Variants in PLEKHH1 observed in about 807,000 individuals in gnomAD.
PLEKHH1 encodes pleckstrin homology domain-containing family H member 1.
Under a neutral mutation model 160.0 loss-of-function variants are expected in PLEKHH1, and 104 were observed. The ratio of observed to expected loss-of-function variants is 0.65; its 90% CI spans 0.55 to 0.76. The LOEUF (loss-of-function observed/expected upper bound fraction) is 0.76. Ranked by LOEUF, PLEKHH1 falls within the 30% of genes least tolerant of loss-of-function variation. PLEKHH1 has a pLI of 0.00. For synonymous variants in PLEKHH1, 619 were observed against 678.4 expected, an observed-to-expected ratio of 0.91 and a Z score of 1.36; for missense variants, 1,427 against 1,724.1, an observed-to-expected ratio of 0.83 and a Z score of 3.05.
At position 67,533,385 on chromosome 14, in the gene PLEKHH1, C is replaced by A. The variant is rs1360726432; in HGVS notation, c.-48C>A. ...GCCCAGTGCGCGGCGGGGACGGCCG[C>A]GAGCTCGCTGGAGGTGAGCGACCCG... On this transcript the variant is annotated 5_prime_UTR_variant, in exon 1 of 29. Coordinates refer to ENST00000329153, the MANE Select transcript of PLEKHH1 (RefSeq NM_020715.3). The A allele has an allele frequency of 6.6e-6, 1 of 151,582 alleles. No individual in the cohort carries two copies. Among genetic ancestry groups the A allele is most frequent in the African/African-American group, 2.4e-5 (1 of 41,366 alleles). 9.4% of individuals were successfully genotyped at this position (151,582 alleles called of 1,614,324 possible).
chr14:67,582,146 T>G lies in PLEKHH1; in HGVS notation c.3362T>G (p.Ile1121Arg). 6.2e-7 allele frequency: 1 copy of G among 1,613,656 alleles called. No homozygotes were observed. The highest frequency in any genetic ancestry group is 8.5e-7 in the Non-Finnish European group (1 of 1,179,834). ...LLLASQTSRE[I>R]VAGRFPINKE... Reference sequence around the variant, plus strand: ...CTTGCCTCTCAAACCAGTAGAGAGATAGTGGCAGGGAGGTTTCCTATCAAC... The same window carrying G: ...CTTGCCTCTCAAACCAGTAGAGAGAGAGTGGCAGGGAGGTTTCCTATCAAC... Residue 1121 changes from isoleucine to arginine, a missense_variant, in exon 24 of 29, where the codon ATA becomes AGA. Physicochemically the swap from Ile to Arg is moderately conservative, Grantham distance 97 (BLOSUM62 -3). Transcript: ENST00000329153. This position sits in a 1 kb window ranked among gnomAD's most constrained non-coding sequence, Gnocchi z 5.0.
Position 67,573,864 on chromosome 14 carries a change from G to C in PLEKHH1, c.1903G>C (p.Gly635Arg). ...DLNSRCQIVR[G>R]EGSQTFQLIS... is the part of the protein sequence containing the mutation. The stretch of plus-strand genomic sequence containing the variant: ...GAACTCCCGCTGCCAAATTGTTCGA[G>C]GGGAGGGTTCACAGACGTTTCAGGT... Residue 635 changes from glycine to arginine, a missense_variant, in exon 13 of 29, where the codon GGG (glycine) becomes CGG (arginine). Physicochemically the swap from Gly to Arg is moderately radical, Grantham distance 125 (BLOSUM62 -2). Transcript: ENST00000329153. The surrounding 1 kb of genome is among the most constrained non-coding windows in gnomAD (Gnocchi z 4.8). The C allele has an allele frequency of 1.2e-6, 2 of 1,613,484 alleles. No homozygotes were observed. The highest frequency in any genetic ancestry group is 1.7e-6 in the Non-Finnish European group (2 of 1,179,426).
intron 4 of PLEKHH1, 79 bp downstream of exon 4, chr14:67,557,497 G>T: frequency 5.0e-6 from 7 of 1,388,482 alleles, no homozygotes; most frequent in Non-Finnish European, 7.0e-6. Context: ...GAGCTGTTCC[G>T]CTCAAGCCCT....
At chr14:67,541,261 T>A (rs1485964773) in intron 1 of PLEKHH1, among the ~76,000 whole-genome samples, 2 of 152,240 alleles carry the variant, frequency 1.3e-5, no homozygotes, top group African/African-American at 4.8e-5. Flanking sequence ...GGGTTCTGCC[T>A]CTAATTAGCT....
rs1401657762 is a variant in PLEKHH1, at chr14:67,576,000, GA to G, written c.2351del (p.Lys784ArgfsTer30). On this transcript the variant is annotated frameshift_variant, in exon 16 of 29. Coordinates refer to ENST00000329153, the MANE Select transcript of PLEKHH1 (RefSeq NM_020715.3). LOFTEE classifies it high-confidence loss of function. ...PTYLLIGTKH[E>X]KDTWLYHLTV... ...CTACCTCCTCATTGGCACCAAGCAT[GA>G]AAAGGTAAGGAAGAGGGCTGGGCCT... 1.2e-6 allele frequency: 2 copies of G among 1,610,614 alleles called. No homozygotes were observed. Among genetic ancestry groups the G allele is most frequent in the South Asian group, 2.2e-5 (2 of 90,834 alleles).
In PLEKHH1 at chr14:67,574,551, A is replaced by C; in HGVS notation, c.2088+148A>C. 1 of 597,782 alleles carries C rather than the reference A, an allele frequency of 1.7e-6. No homozygotes were observed. The highest frequency in any genetic ancestry group is 2.7e-6 in the Non-Finnish European group (1 of 369,136). The allele number at this position is 597,782 out of a possible 1,614,324, so 37.0% of individuals were successfully genotyped here. On this transcript the variant is annotated intron_variant, in intron 14 of 28. Coordinates refer to ENST00000329153, the MANE Select transcript of PLEKHH1 (RefSeq NM_020715.3). This position sits in a 1 kb window ranked among gnomAD's most constrained non-coding sequence, Gnocchi z 4.2. ...ACAGTGACTCGCTGGCCAGCCCTCA[A>C]ACGTGGTCTGGCCACACAAGGTGAT...
chr14:67,554,869 C>G (rs913956773), intron 2 of PLEKHH1, among the ~76,000 whole-genome samples: 35 of 152,268 alleles, frequency 2.3e-4, no homozygotes, highest in East Asian at 3.9e-4. Flanking sequence ...TGCTCCTCAG[C>G]CTTGAGTGAC....
chr14:67,585,604 T>C lies in PLEKHH1; in HGVS notation c.3736T>C (p.Trp1246Arg). The change falls in exon 27 of 29, where the codon TGG (tryptophan) becomes CGG (arginine). Residue 1246 changes from tryptophan to arginine, a missense_variant. By Grantham distance (101) the Trp-to-Arg change is moderately radical. Around this residue, in one of 6 missense-constraint regions of PLEKHH1, gnomAD observed 56 missense variants for 53.0 expected, o/e 1.06. Transcript: ENST00000329153. ...GTCTTCCAAGGAGAACGCTCTGGTG[T>C]GGATTGCTGTGAATGAGGATGGCGT... The part of the protein sequence containing the change: ...QLSSKENALV[W>R]IAVNEDGVSI... The C allele has an allele frequency of 6.3e-7, 1 of 1,585,340 alleles. No individual in the cohort carries two copies. The highest frequency in any genetic ancestry group is 8.6e-7 in the Non-Finnish European group (1 of 1,164,756).
At chr14:67,569,261 G>T in intron 8 of PLEKHH1, 45 bp downstream of exon 8, 1 of 1,413,218 alleles carries the variant, frequency 7.1e-7, no homozygotes, top group Non-Finnish European at 1.0e-6. Flanking sequence ...CCCAAGGTGG[G>T]CAGGGTGGGC....
chr14:67,571,016 C>CT (rs2035347395), intron 9 of PLEKHH1: 1 of 152,218 alleles, frequency 6.6e-6, no homozygotes, highest in African/African-American at 2.4e-5. Flanking sequence ...GCCACCATGC[C>CT]TGGCCCCTAC....
intron 1 of PLEKHH1, among the ~76,000 whole-genome samples, chr14:67,537,390 T>TAAAAA (rs1705367651): frequency 8.6e-6 from 1 of 116,290 alleles, no homozygotes; most frequent in Non-Finnish European, 2.0e-5. Context: ...AAAAACTTAA[T>TAAAAA]CTTAGGCTGG....
chr14:67,544,643 G>T (rs2034106735), intron 2 of PLEKHH1, among the ~76,000 whole-genome samples: 1 of 152,140 alleles, frequency 6.6e-6, no homozygotes, highest in African/African-American at 2.4e-5. Flanking sequence ...GAAAGCATAA[G>T]ACAAGAACAA....
At position 67,574,735 on chromosome 14, in the gene PLEKHH1, C is replaced by G. The variant is rs758985863; in HGVS notation, c.2088+332C>G. Among the ~76,000 whole-genome samples the G allele has an allele frequency of 6.6e-6, 1 of 152,138 alleles. No homozygotes were observed. The highest frequency in any genetic ancestry group is 2.4e-5 in the African/African-American group (1 of 41,432). On this transcript the variant is annotated intron_variant, in intron 14 of 28. Transcript: ENST00000329153. The surrounding 1 kb of genome is among the most constrained non-coding windows in gnomAD (Gnocchi z 4.2). ...AGTGTTAATAGTGGGAGGAAGAGGC[C>G]TGGGCGAGGTAGGTATGGCTCCTCA...
intron 2 of PLEKHH1, among the ~76,000 whole-genome samples, chr14:67,544,277 C>T (rs943197259): frequency 1.3e-5 from 2 of 152,074 alleles, no homozygotes; most frequent in African/African-American, 4.8e-5. Context: ...CCCTGAGAAC[C>T]TGACGATAAC....
intron 15 of PLEKHH1, 93 bp from the exon 16 acceptor site, chr14:67,575,730 G>A (rs576123801): frequency 3.0e-5 from 29 of 954,232 alleles, no homozygotes; most frequent in Admixed American, 6.7e-5. Flanking sequence ...CCATATCCAC[G>A]ATTCCCAGCT....
rs2035494985 is a variant in PLEKHH1, at chr14:67,573,773, G to A, written c.1840-28G>A. 1 of 1,466,888 alleles carries A rather than the reference G, an allele frequency of 6.8e-7. No homozygotes were observed. The allele number at this position is 1,466,888 out of a possible 1,614,324, so 90.9% of individuals were successfully genotyped here. ...CTCCGGAAAGGCTCCACATTCAGTG[G>A]CTCTCCTCTCCAATACTTTCTTTAC... On this transcript the variant is annotated intron_variant, in intron 12 of 28. Transcript: ENST00000329153. The surrounding 1 kb of genome is among the most constrained non-coding windows in gnomAD (Gnocchi z 4.8).
rs1487554764 is a variant in PLEKHH1 at position 67,575,389 on chromosome 14, C to T, written c.2089-3C>T. 1.3e-6 allele frequency: 2 copies of T among 1,587,880 alleles called. No homozygotes were observed. Among genetic ancestry groups the T allele is most frequent in the Non-Finnish European group, 1.7e-6 (2 of 1,160,372 alleles). ...ATAATGCCAGTTCATTTCTGTCTTA[C>T]AGGTAAAGCATGGCCACTCCAAGGT... On this transcript the variant is annotated splice_region_variant and splice_polypyrimidine_tract_variant and intron_variant, in intron 14 of 28. Coordinates refer to ENST00000329153, the MANE Select transcript of PLEKHH1 (RefSeq NM_020715.3).
intron 7 of PLEKHH1, among the ~76,000 whole-genome samples, chr14:67,568,591 A>G (rs2140449607): frequency 6.6e-6 from 1 of 152,286 alleles, no homozygotes. Flanking sequence ...CGTACCCTGG[A>G]ACTTAAAAAA....
chr14:67,575,941 C>T lies in PLEKHH1; in HGVS notation c.2288C>T (p.Thr763Ile), dbSNP rs2035608322. ...AGACGGTTGCTTTCCTCCCACTGCA[C>T]CCTGGTGATCCACCCCACAGAGCAC... ...GTRRLLSSHC[T>I]LVIHPTEHSP... The change falls in exon 16 of 29, where the codon ACC (threonine) becomes ATC (isoleucine). Residue 763 changes from threonine (T) to isoleucine (I), a missense_variant. Around this residue, in one of 6 missense-constraint regions of PLEKHH1, gnomAD observed 436 missense variants for 607.5 expected, o/e 0.72. Transcript: ENST00000329153. 1.2e-6 allele frequency: 2 copies of T among 1,613,946 alleles called. No homozygotes were observed. The highest frequency in any genetic ancestry group is 1.7e-6 in the Non-Finnish European group (2 of 1,179,842).
Sources: gnomAD v4.1 joint callset for allele counts (sites outside exome capture counted in the v4.1 genomes callset) on GRCh38, gnomAD v4.1.1 for gene constraint, gnomAD v4.1.1 regional missense constraint, Gnocchi (gnomAD v3.1) non-coding constraint, MANE v1.5 for transcripts, NCBI Gene and HGNC (gene_info 2026-07-23, HGNC 2026-07-21) for gene names.